Variants in STAG1 observed in about 807,000 individuals in gnomAD.
STAG1 encodes STAG1 cohesin complex component.
In STAG1, 26 loss-of-function variants were observed where a neutral mutation model predicts 170.9. The observed-to-expected ratio is 0.15, with a 90% CI of 0.11 to 0.21. The LOEUF (loss-of-function observed/expected upper bound fraction) is 0.21, where lower values mean the gene tolerates loss of function less well. STAG1 is among the 10% of genes least tolerant of loss of function. The probability of loss-of-function intolerance (pLI) is 1.00; values close to 1 mark genes in which losing one functional copy is unlikely to be tolerated. For synonymous variants in STAG1, 514 were observed against 497.7 expected (o/e 1.03, Z -0.44); for missense variants, 964 against 1,509.5 (o/e 0.64, Z 5.99).
chr3:136,575,115 T>G (rs1339727869), intron 4 of STAG1, among the ~76,000 whole-genome samples: 2 of 152,172 alleles, frequency 1.3e-5, no homozygotes, highest in African/African-American at 4.8e-5. Flanking sequence ...CCTACAGTAG[T>G]GTTTACAAGA....
intron 1 of STAG1, among the ~76,000 whole-genome samples, chr3:136,731,400 A>C (rs1934032916): frequency 6.6e-6 from 1 of 152,234 alleles, no homozygotes; most frequent in Non-Finnish European, 1.5e-5. Context: ...GAATTTGTCA[A>C]GCAGAATAAA....
chr3:136,623,974 G>A (rs1217748988), intron 2 of STAG1, among the ~76,000 whole-genome samples: 2 of 151,706 alleles, frequency 1.3e-5, no homozygotes, highest in East Asian at 3.9e-4. Flanking sequence ...CAACAAAAAA[G>A]ACATAAAGGA....
chr3:136,494,093 G>C (rs1306721294), intron 9 of STAG1, among the ~76,000 whole-genome samples: 2 of 152,020 alleles, frequency 1.3e-5, no homozygotes, highest in Non-Finnish European at 2.9e-5. Flanking sequence ...AAAACAGGGA[G>C]AAGCCCTAGT....
intron 3 of STAG1, among the ~76,000 whole-genome samples, chr3:136,612,855 G>T (rs1266681792): frequency 1.3e-5 from 2 of 152,132 alleles, no homozygotes; most frequent in African/African-American, 2.4e-5. Flanking sequence ...TCACAAGCAG[G>T]TTTTTCTGTG....
rs974854845 is a variant in STAG1 at position 136,433,615 on chromosome 3, A to T, written c.1591T>A (p.Cys531Ser). The T allele has an allele frequency of 5.7e-5, 91 of 1,605,722 alleles. No individual in the cohort carries two copies. The highest frequency in any genetic ancestry group is 7.6e-5 in the Non-Finnish European group (89 of 1,177,232). Residue 531 changes from cysteine (C) to serine (S), a missense_variant, in exon 16 of 34, where the codon TGT (cysteine) becomes AGT (serine). Coordinates refer to ENST00000383202, the MANE Select transcript of STAG1 (RefSeq NM_005862.3). Reference protein sequence around the residue: ...QESALIELMVCTIRQAAEAHP... With the variant: ...QESALIELMVSTIRQAAEAHP... ...GCCTCAGCAGCTTGACGAATTGTAC[A>T]AACCATTAGCTCTATAAGAGCACTC...
intron 14 of STAG1, among the ~76,000 whole-genome samples, chr3:136,448,029 G>C (rs966034100): frequency 2.6e-5 from 4 of 152,000 alleles, no homozygotes; most frequent in African/African-American, 9.7e-5. Flanking sequence ...AAAATACAAG[G>C]TATTTTGTCA....
chr3:136,531,857 A>G (rs1412541796), intron 6 of STAG1, among the ~76,000 whole-genome samples: 9 of 150,970 alleles, frequency 6.0e-5, no homozygotes, highest in Admixed American at 5.9e-4. Flanking sequence ...ACATGTATAC[A>G]TATGTAACTA....
At chr3:136,697,382 C>T (rs763761887) in intron 1 of STAG1, among the ~76,000 whole-genome samples, 16 of 152,252 alleles carry the variant, frequency 1.1e-4, no homozygotes, top group East Asian at 1.9e-4. Context: ...AGTTCCCACC[C>T]GACCAACTGA....
chr3:136,708,939 G>T (rs1260175751), intron 1 of STAG1, among the ~76,000 whole-genome samples: 2 of 145,440 alleles, frequency 1.4e-5, no homozygotes, highest in Admixed American at 6.9e-5. Context: ...CAAGTAGTTG[G>T]ACCACAGGCA....
chr3:136,410,703 GT>G lies in STAG1; in HGVS notation c.2196+7181del, dbSNP rs2087601732. 2.0e-5 allele frequency among the ~76,000 whole-genome samples: 3 copies of G among 152,224 alleles called. No individual in the cohort carries two copies. In the South Asian group the frequency reaches 6.2e-4, roughly 31 times the overall value. Reference sequence around the variant, plus strand: ...AAAAGACTTAAAATACACCAGCCTGGTGGCTCCCTCCTGTAATCTCAGCACT... The same window carrying G: ...AAAAGACTTAAAATACACCAGCCTGGGGCTCCCTCCTGTAATCTCAGCACT... On this transcript the variant is annotated intron_variant, in intron 21 of 33. Coordinates refer to ENST00000383202, the MANE Select transcript of STAG1 (RefSeq NM_005862.3).
At chr3:136,573,827 G>A (rs1021744567) in intron 4 of STAG1, among the ~76,000 whole-genome samples, 2 of 151,262 alleles carry the variant, frequency 1.3e-5, no homozygotes, top group Admixed American at 6.6e-5. Flanking sequence ...AAAAATTAGC[G>A]GGGCGTGGTG....
intron 6 of STAG1, among the ~76,000 whole-genome samples, chr3:136,536,024 A>C (rs529396554): frequency 3.0e-4 from 45 of 152,310 alleles, no homozygotes; most frequent in Non-Finnish European, 5.4e-4. Context: ...AAAATTTTCA[A>C]ATTACCAGCA....
At chr3:136,453,744 T>C (rs531888790) in intron 13 of STAG1, among the ~76,000 whole-genome samples, 1 of 148,258 alleles carries the variant, frequency 6.7e-6, no homozygotes, top group Non-Finnish European at 1.5e-5. Flanking sequence ...TTGCTGGTTA[T>C]AAAGAAAAGT....
At chr3:136,748,513 C>T (rs73230065) in intron 1 of STAG1, among the ~76,000 whole-genome samples, 16,585 of 152,074 alleles carry the variant, frequency 0.11, 958 homozygotes, top group African/African-American at 0.14. Context: ...TCTCCTGCCT[C>T]GGCCTCCTGA....
chr3:136,563,146 A>T (rs560951935), intron 5 of STAG1, among the ~76,000 whole-genome samples: 1 of 152,288 alleles, frequency 6.6e-6, no homozygotes, highest in East Asian at 1.9e-4. Flanking sequence ...CTACATTGCA[A>T]AGTTTCTATT....
At chr3:136,360,910 T>C (rs1017407241) in intron 26 of STAG1, among the ~76,000 whole-genome samples, 1 of 152,130 alleles carries the variant, frequency 6.6e-6, no homozygotes, top group Non-Finnish European at 1.5e-5. Flanking sequence ...TCTTGTGATC[T>C]GCCCGCCTCA....
At chr3:136,560,945 AT>A (rs970513795) in intron 5 of STAG1, among the ~76,000 whole-genome samples, 133 of 147,364 alleles carry the variant, frequency 9.0e-4, no homozygotes, top group African/African-American at 2.6e-3. Flanking sequence ...GCGAATTGTG[AT>A]TTTTTTTTTT....
chr3:136,423,863 T>A (rs1049570400), intron 16 of STAG1, among the ~76,000 whole-genome samples: 2 of 151,832 alleles, frequency 1.3e-5, no homozygotes, highest in African/African-American at 4.8e-5. Flanking sequence ...CTTTTTTTTT[T>A]TTATTTTTTT....
chr3:136,515,140 G>A (rs556311223), intron 7 of STAG1, among the ~76,000 whole-genome samples: 2 of 152,190 alleles, frequency 1.3e-5, no homozygotes, highest in African/African-American at 2.4e-5. Flanking sequence ...CAAGGTGGGC[G>A]GACTGCCCGA....
Sources: allele counts gnomAD v4.1 joint callset (sites outside exome capture counted in the v4.1 genomes callset), GRCh38; gene constraint gnomAD v4.1.1; transcripts MANE v1.5; gene names NCBI Gene and HGNC (gene_info 2026-07-23, HGNC 2026-07-21).